PTPN3: variants seen among roughly 807,000 people sequenced by gnomAD.
PTPN3 encodes tyrosine-protein phosphatase non-receptor type 3.
In PTPN3, 96 loss-of-function variants were observed where a neutral mutation model predicts 132.7. That is an observed-to-expected ratio of 0.72 (90% CI 0.61 to 0.86). The LOEUF is 0.86. Ranked by LOEUF, PTPN3 falls within the 40% of genes least tolerant of loss-of-function variation. PTPN3 has a pLI of 0.00. For missense variants in PTPN3, 1,125 were observed against 1,159.6 expected, an observed-to-expected ratio of 0.97 and a Z score of 0.43; for synonymous variants, 398 against 429.0, an observed-to-expected ratio of 0.93 and a Z score of 0.89.
chr9:109,455,190 T>C (rs1845499273), intron 4 of PTPN3, among the ~76,000 whole-genome samples: 1 of 152,240 alleles, frequency 6.6e-6, no homozygotes, highest in Non-Finnish European at 1.5e-5. Flanking sequence ...ATTAAGTTAG[T>C]ATACTAGTAA....
intron 9 of PTPN3, 64 bp downstream of exon 9, chr9:109,436,819 T>A: frequency 3.2e-6 from 5 of 1,539,952 alleles, no homozygotes; most frequent in Non-Finnish European, 4.4e-6. Context: ...AAAGAATTTT[T>A]CAAACTCTCA....
chr9:109,396,144 G>T (rs1165374781), intron 19 of PTPN3, among the ~76,000 whole-genome samples: 1 of 152,172 alleles, frequency 6.6e-6, no homozygotes, highest in African/African-American at 2.4e-5. Context: ...TTACAGCCGT[G>T]AGCCACTGCG....
chr9:109,384,501 C>T (rs574848774), intron 22 of PTPN3, among the ~76,000 whole-genome samples: 1 of 152,280 alleles, frequency 6.6e-6, no homozygotes, highest in African/African-American at 2.4e-5. Context: ...CTGTGCTGTC[C>T]GCACAGACGG....
intron 19 of PTPN3, among the ~76,000 whole-genome samples, chr9:109,395,836 A>AT (rs796722010): frequency 1.6e-5 from 2 of 123,724 alleles, no homozygotes; most frequent in Non-Finnish European, 3.3e-5. Context: ...ATATGTATAT[A>AT]TTTTTTTTCA....
chr9:109,416,909 T>C lies in PTPN3; in HGVS notation c.1313+3515A>G, dbSNP rs975401493. ...ACCCATCAAGACAACTGTGATAAAA[T>C]AGCAACCAGAAAGTTTTTCTAATAC... On this transcript the variant is annotated intron_variant, in intron 14 of 25. Transcript: ENST00000374541. Among the ~76,000 whole-genome samples, 38 of 152,172 alleles carry C rather than the reference T, an allele frequency of 2.5e-4. 1 individual carries two copies. Among genetic ancestry groups the C allele is most frequent in the Admixed American group, 2.1e-3 (32 of 15,284 alleles).
At chr9:109,448,878 A>T (rs774593013) in intron 5 of PTPN3, 23 bp from the exon 6 acceptor site, 6 of 1,575,492 alleles carry the variant, frequency 3.8e-6, no homozygotes. Context: ...TGTTTTCATT[A>T]ATTCATACTC....
At chr9:109,505,389 C>T in the PTPN3 span, among the ~76,000 whole-genome samples, 4 of 152,224 alleles carry the variant, frequency 2.6e-5, no homozygotes, top group Non-Finnish European at 5.9e-5. Context: ...CTTCCTGCCT[C>T]AGCCTCTGGA....
Position 109,378,021 on chromosome 9 carries a change from A to C in PTPN3, c.*1535T>G, listed in dbSNP as rs1838717257. 6.6e-6 allele frequency: 1 copy of C among 152,220 alleles called. No individual in the cohort carries two copies. Among genetic ancestry groups the C allele is most frequent in the Non-Finnish European group, 1.5e-5 (1 of 68,040 alleles). The allele number at this position is 152,220 out of a possible 1,614,324, so 9.4% of individuals were successfully genotyped here. A position where few individuals can be genotyped will look rare whatever the true frequency, so the allele number is the denominator to read the frequency against. On this transcript the variant is annotated 3_prime_UTR_variant, in exon 26 of 26. Transcript: ENST00000374541. ...GGAAAAGAAACAAAGTATGCAAGTA[A>C]ATATGCTAGCTCTAGAGATAAAGAA...
At chr9:109,535,008 G>A in the PTPN3 span, among the ~76,000 whole-genome samples, 62 of 152,314 alleles carry the variant, frequency 4.1e-4, no homozygotes, top group African/African-American at 1.4e-3. Context: ...TCAAAGACAG[G>A]TCTTTATGAG....
the PTPN3 span, among the ~76,000 whole-genome samples, chr9:109,524,799 A>T: frequency 6.6e-6 from 1 of 152,186 alleles, no homozygotes; most frequent in South Asian, 2.1e-4. Flanking sequence ...GTGGAGTGGC[A>T]TGATCTTGGC....
chr9:109,525,132 A>T, the PTPN3 span, among the ~76,000 whole-genome samples: 1 of 152,044 alleles, frequency 6.6e-6, no homozygotes, highest in African/African-American at 2.4e-5. Context: ...GCTCACTGCA[A>T]CCTTGACCCC....
intron 1 of PTPN3, among the ~76,000 whole-genome samples, chr9:109,490,193 AAAC>A (rs1847394791): frequency 6.6e-6 from 1 of 151,698 alleles, no homozygotes; most frequent in Non-Finnish European, 1.5e-5. Context: ...AAAAAAAACA[AAAC>A]AAAAACAAAA....
the PTPN3 span, among the ~76,000 whole-genome samples, chr9:109,517,922 C>T: frequency 2.0e-5 from 3 of 152,194 alleles, no homozygotes; most frequent in Admixed American, 6.5e-5. Context: ...TGGCCACTCC[C>T]TGCAGGCTGT....
Position 109,406,487 on chromosome 9 carries a change from C to A in PTPN3, c.1767G>T (p.Glu589Asp). The change falls in exon 18 of 26, where the codon GAG becomes GAT. Residue 589 changes from glutamate to aspartate, a missense_variant. Coordinates refer to ENST00000374541, the MANE Select transcript of PTPN3 (RefSeq NM_002829.4). ...IKASRESHSR[E>D]LALVIRRRAV... is the part of the protein sequence containing the mutation. The stretch of plus-strand genomic sequence containing the variant: ...CTCTCCTCCTGATCACCAGGGCCAG[C>A]TCCCGTGAGTGGGACTCCCGGCTGG... The A allele has an allele frequency of 6.2e-7, 1 of 1,614,154 alleles. No homozygotes were observed. The highest frequency in any genetic ancestry group is 1.1e-5 in the South Asian group (1 of 91,056).
At chr9:109,396,954 G>C (rs1840654700) in intron 19 of PTPN3, among the ~76,000 whole-genome samples, 1 of 152,170 alleles carries the variant, frequency 6.6e-6, no homozygotes, top group South Asian at 2.1e-4. Flanking sequence ...GCTCTAACCA[G>C]CGGATGCTGG....
chr9:109,501,607 TATATC>T (rs958152047), upstream of PTPN3, among the ~76,000 whole-genome samples: 2 of 152,242 alleles, frequency 1.3e-5, no homozygotes, highest in African/African-American at 4.8e-5. Context: ...CAGTTGATCT[TATATC>T]ATAAGCTCCC....
At chr9:109,513,457 C>G in the PTPN3 span, among the ~76,000 whole-genome samples, 1 of 152,190 alleles carries the variant, frequency 6.6e-6, no homozygotes, top group Non-Finnish European at 1.5e-5. Context: ...ATCCTGTTCC[C>G]CCCCAGAACA....
chr9:109,401,629 C>T (rs140154662), intron 19 of PTPN3, among the ~76,000 whole-genome samples: 7 of 152,286 alleles, frequency 4.6e-5, no homozygotes, highest in Admixed American at 2.6e-4. Flanking sequence ...CAGTGAGAGC[C>T]CACAGCGCCT....
At position 109,376,370 on chromosome 9, in the gene PTPN3, C is replaced by G. The variant is rs75255713; in HGVS notation, c.*3186G>C. ...ATGCTCATTTCTGAGGTACCCCCCC[C>G]AGAAAAAGGTCAGGTAGCAACACAG... On this transcript the variant is annotated 3_prime_UTR_variant, in exon 26 of 26. Transcript: ENST00000374541. 2.6e-5 allele frequency: 4 copies of G among 152,214 alleles called. No homozygotes were observed. The highest frequency in any genetic ancestry group is 7.2e-5 in the African/African-American group (3 of 41,528). The allele number at this position is 152,214 out of a possible 1,614,324, so 9.4% of individuals were successfully genotyped here.
Sources: gnomAD v4.1 joint callset for allele counts (sites outside exome capture counted in the v4.1 genomes callset) on GRCh38, gnomAD v4.1.1 for gene constraint, MANE v1.5 for transcripts, NCBI Gene and HGNC (gene_info 2026-07-23, HGNC 2026-07-21) for gene names.